The following TASOR variants were observed in gnomAD, a reference collection of about 807,000 sequenced individuals.
TASOR encodes transcription activation suppressor.
Under a neutral mutation model 178.6 loss-of-function variants are expected in TASOR, and 53 were observed. The ratio of observed to expected loss-of-function variants is 0.30; its 90% CI spans 0.24 to 0.37. The LOEUF is 0.37. Ranked by LOEUF, TASOR falls within the 10% of genes least tolerant of loss-of-function variation. TASOR has a pLI of 1.00. For missense variants in TASOR, 1,815 were observed against 1,971.4 expected (o/e 0.92, Z 1.50); for synonymous variants, 713 against 696.2 (o/e 1.02, Z -0.38).
intron 14 of TASOR, among the ~76,000 whole-genome samples, chr3:56,642,313 T>G (rs1250865407): frequency 3.3e-5 from 5 of 152,158 alleles, no homozygotes; most frequent in Admixed American, 6.5e-5. Flanking sequence ...TCCACGAAAT[T>G]TGCATCAAGA....
At chr3:56,651,464 G>A (rs1315377049) in intron 11 of TASOR, among the ~76,000 whole-genome samples, 1 of 152,148 alleles carries the variant, frequency 6.6e-6, no homozygotes, top group African/African-American at 2.4e-5. Context: ...GGAAGTCGAA[G>A]TGGGAGGAGG....
chr3:56,662,810 G>C (rs911810470), intron 8 of TASOR, among the ~76,000 whole-genome samples: 18 of 152,218 alleles, frequency 1.2e-4, no homozygotes, highest in African/African-American at 4.3e-4. Context: ...AAGGGACACT[G>C]TATGAAATCT....
At chr3:56,650,209 T>C (rs1313910138) in intron 11 of TASOR, among the ~76,000 whole-genome samples, 1 of 152,152 alleles carries the variant, frequency 6.6e-6, no homozygotes, top group Non-Finnish European at 1.5e-5. Context: ...CTACCTAAAT[T>C]CCTACTAAAA....
Position 56,621,742 on chromosome 3 carries a change from CT to C in TASOR, c.*1294del. ...TATTTTTTTAAATGCTCATTAAAAA[CT>C]TGTATACTATGTAGTAAAATGCTGT... is the stretch of plus-strand genomic sequence containing the variant. On this transcript the variant is annotated 3_prime_UTR_variant, in exon 24 of 24. Transcript: ENST00000683822. The C allele has an allele frequency of 4.5e-6, 2 of 442,710 alleles. No individual in the cohort carries two copies. Among genetic ancestry groups the C allele is most frequent in the Non-Finnish European group, 8.0e-6 (2 of 250,226 alleles). The allele number at this position is 442,710 out of a possible 1,614,324, so 27.4% of individuals were successfully genotyped here.
Position 56,666,379 on chromosome 3 carries a change from A to G in TASOR, c.903T>C (p.Tyr301=). ...GCTCATCAAAGCCATACTCATAAAAATAATACTAAAAATAAGAAAATGAAA... is the reference window on the plus strand; with the variant it reads ...GCTCATCAAAGCCATACTCATAAAAGTAATACTAAAAATAAGAAAATGAAA... ...AYRAYELTQY[Y]FYEYGFDELR... is the part of the protein sequence containing the mutation. The change falls in exon 7 of 24, where the codon TAT becomes TAC. Residue 301 remains tyrosine, a synonymous_variant. Coordinates refer to ENST00000683822, the MANE Select transcript of TASOR (RefSeq NM_001365635.2). 6.7e-7 allele frequency: 1 copy of G among 1,487,280 alleles called. No individual in the cohort carries two copies. The highest frequency in any genetic ancestry group is 8.9e-7 in the Non-Finnish European group (1 of 1,120,342). The allele number at this position is 1,487,280 out of a possible 1,614,324, so 92.1% of individuals were successfully genotyped here.
Position 56,674,826 on chromosome 3 carries a change from T to C in TASOR, c.332-1101A>G, listed in dbSNP as rs558753669. On this transcript the variant is annotated intron_variant, in intron 1 of 23. Coordinates refer to ENST00000683822, the MANE Select transcript of TASOR (RefSeq NM_001365635.2). ...ATAGCATCTGACGCATAGTAGGACA[T>C]TGTTTGTTTTGAGATGGAGTCTCGC... Among the ~76,000 whole-genome samples, 25 of 152,246 alleles carry C rather than the reference T, an allele frequency of 1.6e-4. No homozygotes were observed. In the East Asian group the frequency reaches 2.1e-3, roughly 13 times the overall value.
chr3:56,625,733 C>G (rs1332274283), intron 21 of TASOR, among the ~76,000 whole-genome samples: 1 of 151,708 alleles, frequency 6.6e-6, no homozygotes, highest in Non-Finnish European at 1.5e-5. Context: ...CGCCGATTCT[C>G]CTGCCTCAGC....
intron 18 of TASOR, among the ~76,000 whole-genome samples, chr3:56,632,823 A>G (rs1339514713): frequency 1.3e-5 from 2 of 152,112 alleles, no homozygotes; most frequent in African/African-American, 4.8e-5. Flanking sequence ...TTAATTTAAG[A>G]GACAATGTCT....
chr3:56,629,613 TGCCTTTCACA>T (rs1369507947), intron 18 of TASOR, among the ~76,000 whole-genome samples: 4 of 152,362 alleles, frequency 2.6e-5, no homozygotes, highest in Non-Finnish European at 4.4e-5. Context: ...AACATGGTAC[TGCCTTTCACA>T]GGACACAGGC....
chr3:56,674,201 T>TAA (rs11348732), intron 1 of TASOR, among the ~76,000 whole-genome samples: 5,938 of 111,710 alleles, frequency 0.053, 284 homozygotes, highest in East Asian at 0.29. Context: ...TCTTTAAGTT[T>TAA]AAAAAAAAAA....
intron 1 of TASOR, among the ~76,000 whole-genome samples, chr3:56,679,656 A>T (rs975501740): frequency 6.6e-6 from 1 of 152,222 alleles, no homozygotes; most frequent in Admixed American, 6.5e-5. Context: ...TGGACCCTAC[A>T]AAAACATTAA....
At chr3:56,648,137 G>T (rs2077274233) in intron 13 of TASOR, among the ~76,000 whole-genome samples, 1 of 151,258 alleles carries the variant, frequency 6.6e-6, no homozygotes, top group South Asian at 2.1e-4. Flanking sequence ...AGCCTAGGAG[G>T]GAGGGCAAGG....
At chr3:56,680,176 A>G (rs189807658) in intron 1 of TASOR, among the ~76,000 whole-genome samples, 4 of 152,230 alleles carry the variant, frequency 2.6e-5, no homozygotes, top group Admixed American at 2.6e-4. Flanking sequence ...TTCAAATTCC[A>G]TCTCCACAAC....
chr3:56,646,130 A>G lies in TASOR; in HGVS notation c.2215+392T>C, dbSNP rs537997792. 1.1e-4 allele frequency among the ~76,000 whole-genome samples: 17 copies of G among 152,316 alleles called. No homozygotes were observed. The East Asian group carries it at 3.1e-3, about 28-fold the overall frequency. ...GCCACTACACTCCAGCCTTGGGGAG[A>G]CATCAAGACTCCGTCTCAAAAAAAA... is the stretch of plus-strand genomic sequence containing the variant. On this transcript the variant is annotated intron_variant, in intron 14 of 23. Transcript: ENST00000683822.
intron 11 of TASOR, among the ~76,000 whole-genome samples, chr3:56,649,488 T>C (rs975376810): frequency 6.6e-6 from 1 of 152,198 alleles, no homozygotes; most frequent in Non-Finnish European, 1.5e-5. Context: ...ACCCAATGTG[T>C]TGCCATAATC....
At chr3:56,627,798 C>T (rs1197007193) in intron 19 of TASOR, 57 bp from the exon 20 acceptor site, 1 of 1,543,682 alleles carries the variant, frequency 6.5e-7, no homozygotes, top group Non-Finnish European at 8.9e-7. Context: ...TTGACAGACT[C>T]AAGTGTGAAG....
At chr3:56,678,526 G>C (rs1559857760) in intron 1 of TASOR, among the ~76,000 whole-genome samples, 1 of 151,976 alleles carries the variant, frequency 6.6e-6, no homozygotes. Flanking sequence ...AGTGGGCATT[G>C]ATATATAATT....
At chr3:56,636,407 T>TGG (rs1559822324) in intron 17 of TASOR, among the ~76,000 whole-genome samples, 1 of 146,488 alleles carries the variant, frequency 6.8e-6, no homozygotes, top group African/African-American at 2.6e-5. Context: ...GGTGGTGGTG[T>TGG]TGTTGTTGTT....
At chr3:56,642,096 T>G (rs2077136976) in intron 14 of TASOR, among the ~76,000 whole-genome samples, 1 of 152,200 alleles carries the variant, frequency 6.6e-6, no homozygotes, top group South Asian at 2.1e-4. Context: ...TAATTACTAT[T>G]TTGCCAATTG....
Sources: allele counts gnomAD v4.1 joint callset (sites outside exome capture counted in the v4.1 genomes callset), GRCh38; gene constraint gnomAD v4.1.1; transcripts MANE v1.5; gene names NCBI Gene and HGNC (gene_info 2026-07-23, HGNC 2026-07-21).